Variants in FGF12 observed in about 807,000 individuals in gnomAD.
The protein encoded by FGF12 is fibroblast growth factor 12.
A neutral mutation model predicts 23.6 loss-of-function variants in FGF12; 14 were observed. That is an observed-to-expected ratio of 0.59 (90% CI 0.39 to 0.93). The LOEUF is 0.93. FGF12 is among the 40% of genes least tolerant of loss of function. The probability of loss-of-function intolerance (pLI) is 0.00; values close to 1 mark genes in which losing one functional copy is unlikely to be tolerated. For missense variants in FGF12, 175 were observed against 217.8 expected, an observed-to-expected ratio of 0.80 and a Z score of 1.24; for synonymous variants, 62 against 77.3, an observed-to-expected ratio of 0.80 and a Z score of 1.04.
At chr3:192,623,696 A>C (rs1186389167) in intron 2 of FGF12, among the ~76,000 whole-genome samples, 1 of 152,192 alleles carries the variant, frequency 6.6e-6, no homozygotes, top group Non-Finnish European at 1.5e-5. Context: ...TAAACGAGTC[A>C]CTGCAGTGCA....
chr3:192,154,607 C>A (rs1405769995), intron 5 of FGF12, among the ~76,000 whole-genome samples: 2 of 151,402 alleles, frequency 1.3e-5, no homozygotes, highest in East Asian at 3.9e-4. Context: ...CTGGGCGGTG[C>A]CTCCCAGTTA....
chr3:192,498,942 G>C (rs1006109165), intron 2 of FGF12, among the ~76,000 whole-genome samples: 2 of 152,124 alleles, frequency 1.3e-5, no homozygotes, highest in African/African-American at 2.4e-5. Flanking sequence ...AAATTTGTGT[G>C]CAACAAAATA....
chr3:192,345,178 T>C (rs1246167003), intron 3 of FGF12, among the ~76,000 whole-genome samples: 2 of 152,112 alleles, frequency 1.3e-5, no homozygotes. Context: ...TGCAATACAG[T>C]GGTAGAAAGG....
At chr3:192,324,094 A>AAATTAAAT (rs1716691253) in intron 4 of FGF12, among the ~76,000 whole-genome samples, 1 of 150,648 alleles carries the variant, frequency 6.6e-6, no homozygotes, top group South Asian at 2.1e-4. Flanking sequence ...TGTCTCAAAA[A>AAATTAAAT]AATTAATTAA....
intron 2 of FGF12, among the ~76,000 whole-genome samples, chr3:192,725,529 C>T (rs960532144): frequency 1.4e-4 from 22 of 152,004 alleles, no homozygotes; most frequent in Non-Finnish European, 2.1e-4. Flanking sequence ...ATCATTAAAC[C>T]ACCTGGAATG....
At chr3:192,683,029 T>C (rs1210266480) in intron 2 of FGF12, among the ~76,000 whole-genome samples, 1 of 152,216 alleles carries the variant, frequency 6.6e-6, no homozygotes, top group East Asian at 1.9e-4. Flanking sequence ...TCTATGTGTC[T>C]CTTCGTTTGG....
At chr3:192,361,382 T>C (rs1472727634) in intron 2 of FGF12, among the ~76,000 whole-genome samples, 5 of 152,154 alleles carry the variant, frequency 3.3e-5, no homozygotes, top group African/African-American at 1.2e-4. Context: ...TTCCACCGCA[T>C]CACCATTTTT....
In FGF12 at chr3:192,710,770, G is replaced by C. The variant is rs191771524; in HGVS notation, c.13+16411C>G. Among the ~76,000 whole-genome samples the C allele has an allele frequency of 8.3e-4, 126 of 152,328 alleles. 2 individuals are homozygous for C. The highest frequency in any genetic ancestry group is 2.7e-3 in the African/African-American group (114 of 41,580). ...GACTAGATATTTATTCTTTGTAGTG[G>C]ATAGAGCAGAAACTCTCTGCATAGT... On this transcript the variant is annotated intron_variant, in intron 2 of 5. Coordinates refer to ENST00000445105, the MANE Select transcript of FGF12 (RefSeq NM_004113.6).
At chr3:192,579,677 T>C (rs1713053495) in intron 2 of FGF12, among the ~76,000 whole-genome samples, 1 of 152,102 alleles carries the variant, frequency 6.6e-6, no homozygotes. Flanking sequence ...TCAAGTGATT[T>C]TCCTGCCTCA....
chr3:192,643,716 C>T (rs1285172648), intron 2 of FGF12, among the ~76,000 whole-genome samples: 1 of 152,090 alleles, frequency 6.6e-6, no homozygotes, highest in Admixed American at 6.6e-5. Flanking sequence ...CTGGTTTTTA[C>T]TGTTTTATAT....
At chr3:192,700,139 G>C (rs187052487) in intron 2 of FGF12, among the ~76,000 whole-genome samples, 1 of 152,086 alleles carries the variant, frequency 6.6e-6, no homozygotes, top group Admixed American at 6.6e-5. Context: ...GTTAAGCAAC[G>C]TCAGTTCTCT....
At chr3:192,651,489 A>C (rs551807939) in intron 2 of FGF12, among the ~76,000 whole-genome samples, 7 of 152,190 alleles carry the variant, frequency 4.6e-5, no homozygotes, top group Non-Finnish European at 8.8e-5. Flanking sequence ...TCAATTCAAC[A>C]ATCTCATTTT....
intron 5 of FGF12, among the ~76,000 whole-genome samples, chr3:192,146,516 G>A (rs552125808): frequency 1.3e-5 from 2 of 152,146 alleles, no homozygotes; most frequent in East Asian, 1.9e-4. Context: ...TGATCCACCC[G>A]CCTCGACCTC....
At chr3:192,338,223 A>G (rs1717510279) in intron 3 of FGF12, among the ~76,000 whole-genome samples, 1 of 152,048 alleles carries the variant, frequency 6.6e-6, no homozygotes, top group Non-Finnish European at 1.5e-5. Flanking sequence ...AGCTGCTATT[A>G]TAGGCGCCTG....
intron 4 of FGF12, among the ~76,000 whole-genome samples, chr3:192,183,898 G>T (rs757662181): frequency 6.6e-6 from 1 of 152,120 alleles, no homozygotes; most frequent in African/African-American, 2.4e-5. Flanking sequence ...TGATTTATGC[G>T]CTTTCGTAGA....
chr3:192,273,409 C>A (rs1221759972), intron 4 of FGF12, among the ~76,000 whole-genome samples: 2 of 152,006 alleles, frequency 1.3e-5, no homozygotes, highest in Non-Finnish European at 2.9e-5. Context: ...ACCAAGTTTC[C>A]CTGGGGCTGA....
intron 3 of FGF12, among the ~76,000 whole-genome samples, chr3:192,356,016 A>G (rs931442515): frequency 6.6e-6 from 1 of 152,206 alleles, no homozygotes; most frequent in African/African-American, 2.4e-5. Flanking sequence ...GCTGGCTGTC[A>G]GGGACTGTTT....
At position 192,462,003 on chromosome 3, in the gene FGF12, AAC is replaced by A. The variant is rs1364753049; in HGVS notation, c.14-101467_14-101466del. ...GAAACTCTGTCACAAGAAAAAAAAA[AAC>A]ACACATTATTACTTAATGATTATTG... On this transcript the variant is annotated intron_variant, in intron 2 of 5. Coordinates refer to ENST00000445105, the MANE Select transcript of FGF12 (RefSeq NM_004113.6). 2.0e-5 allele frequency among the ~76,000 whole-genome samples: 3 copies of A among 152,284 alleles called. No individual in the cohort carries two copies. The East Asian group carries it at 5.8e-4, about 29-fold the overall frequency.
chr3:192,217,391 C>A (rs1380975223), intron 4 of FGF12, among the ~76,000 whole-genome samples: 1 of 151,972 alleles, frequency 6.6e-6, no homozygotes, highest in Non-Finnish European at 1.5e-5. Flanking sequence ...CACTTTGTAC[C>A]AGCCGGTAAC....
Sources: allele counts gnomAD v4.1 joint callset (sites outside exome capture counted in the v4.1 genomes callset), GRCh38; gene constraint gnomAD v4.1.1; transcripts MANE v1.5; gene names NCBI Gene and HGNC (gene_info 2026-07-23, HGNC 2026-07-21).